MYO3A: variants seen among roughly 807,000 people sequenced by gnomAD.
MYO3A encodes myosin-IIIa.
In MYO3A, 180 loss-of-function variants were observed where a neutral mutation model predicts 192.7. That is an observed-to-expected ratio of 0.93 (90% CI 0.83 to 1.06). The LOEUF (loss-of-function observed/expected upper bound fraction) is 1.06, where lower values mean the gene tolerates loss of function less well. Ranked by LOEUF, MYO3A falls within the 50% of genes least tolerant of loss-of-function variation. The pLI is 0.00. For missense variants in MYO3A, 1,896 were observed against 1,905.0 expected, an observed-to-expected ratio of 1.00 and a Z score of 0.09; for synonymous variants, 628 against 645.3, an observed-to-expected ratio of 0.97 and a Z score of 0.41.
At chr10:25,996,061 A>T (rs1192084331) in intron 4 of MYO3A, among the ~76,000 whole-genome samples, 1 of 152,214 alleles carries the variant, frequency 6.6e-6, no homozygotes, top group Non-Finnish European at 1.5e-5. Flanking sequence ...TCTGCAGAAG[A>T]TTCTGCTACC....
intron 10 of MYO3A, among the ~76,000 whole-genome samples, chr10:26,041,242 T>C (rs1364514216): frequency 6.6e-6 from 1 of 152,098 alleles, no homozygotes; most frequent in Non-Finnish European, 1.5e-5. Context: ...TGGCATAGAA[T>C]ACCTCTTTCC....
At chr10:26,143,994 T>G (rs1379396649) in intron 21 of MYO3A, among the ~76,000 whole-genome samples, 1 of 152,180 alleles carries the variant, frequency 6.6e-6, no homozygotes. Context: ...TTCTGTTCTA[T>G]TCATTTATTT....
At chr10:26,135,468 G>A (rs889881706) in intron 20 of MYO3A, among the ~76,000 whole-genome samples, 2 of 151,952 alleles carry the variant, frequency 1.3e-5, no homozygotes, top group African/African-American at 2.4e-5. Context: ...TCAACATAAG[G>A]CAGGATAAAA....
chr10:26,122,264 G>A (rs1435136873), intron 18 of MYO3A, among the ~76,000 whole-genome samples: 1 of 152,060 alleles, frequency 6.6e-6, no homozygotes, highest in Non-Finnish European at 1.5e-5. Flanking sequence ...ACAGAAGACA[G>A]TCATATAAGT....
At chr10:26,183,651 G>A (rs1192609007) in intron 31 of MYO3A, among the ~76,000 whole-genome samples, 2 of 152,202 alleles carry the variant, frequency 1.3e-5, no homozygotes, top group Non-Finnish European at 2.9e-5. Context: ...TATAGGATGG[G>A]TAGAGGTGGA....
intron 15 of MYO3A, among the ~76,000 whole-genome samples, chr10:26,092,649 C>T (rs1028287514): frequency 6.6e-6 from 1 of 152,160 alleles, no homozygotes; most frequent in Non-Finnish European, 1.5e-5. Flanking sequence ...CAGGTGAACA[C>T]ACATATGAGA....
At chr10:25,954,792 G>C in intron 3 of MYO3A, 82 bp from the exon 4 acceptor site, 5 of 1,404,462 alleles carry the variant, frequency 3.6e-6, no homozygotes, top group Non-Finnish European at 5.0e-6. Context: ...ATGAAATTCT[G>C]TATTTGGTAT....
At chr10:25,989,118 A>T (rs918794504) in intron 4 of MYO3A, among the ~76,000 whole-genome samples, 1 of 151,672 alleles carries the variant, frequency 6.6e-6, no homozygotes, top group Non-Finnish European at 1.5e-5. Flanking sequence ...TTTTATAAAA[A>T]AATTTTTTTA....
At chr10:26,001,053 T>A (rs1840768522) in intron 6 of MYO3A, among the ~76,000 whole-genome samples, 1 of 152,018 alleles carries the variant, frequency 6.6e-6, no homozygotes, top group Non-Finnish European at 1.5e-5. Flanking sequence ...CAAGGGGAAA[T>A]CTGCCCCCAT....
Position 25,996,568 on chromosome 10 carries a change from G to T in MYO3A, c.382G>T (p.Ala128Ser), listed in dbSNP as rs1372238449. 2 of 1,613,592 alleles carry T rather than the reference G, an allele frequency of 1.2e-6. No homozygotes were observed. The highest frequency in any genetic ancestry group is 1.7e-6 in the Non-Finnish European group (2 of 1,179,766). The change falls in exon 5 of 35, where the codon GCC becomes TCC. Residue 128 changes from alanine (A) to serine (S), a missense_variant. Ala to Ser is a moderately conservative substitution (Grantham distance 99). Transcript: ENST00000642920. ...RGERMSEPLI[A>S]YILHEALMGL... ...TGAAAGAATGAGTGAGCCTCTAATT[G>T]CCTATATTTTACATGAAGCACTAAT...
chr10:26,094,805 A>T (rs763060460), intron 15 of MYO3A, among the ~76,000 whole-genome samples: 5 of 152,172 alleles, frequency 3.3e-5, no homozygotes, highest in Admixed American at 3.3e-4. Context: ...GGGGGAGAAG[A>T]CCCTGGAATG....
At chr10:26,019,731 A>T (rs913203323) in intron 7 of MYO3A, among the ~76,000 whole-genome samples, 4 of 152,188 alleles carry the variant, frequency 2.6e-5, no homozygotes, top group African/African-American at 9.7e-5. Context: ...TGCATCACTT[A>T]TTTTTAGAGT....
Position 26,040,106 on chromosome 10 carries a change from A to G in MYO3A, c.953+13574A>G, listed in dbSNP as rs148897982. Among the ~76,000 whole-genome samples, 358 of 150,500 alleles carry G rather than the reference A, an allele frequency of 2.4e-3. 8 individuals carry two copies. The highest frequency in any genetic ancestry group is 0.017 in the Admixed American group (263 of 15,126). ...TAATTTTTATTTCAAGAATTTTTTC[A>G]ATTTCCTTCTTAATGTCTTCATTGA... On this transcript the variant is annotated intron_variant, in intron 10 of 34. Transcript: ENST00000642920.
At chr10:25,974,506 C>G (rs569599667) in intron 4 of MYO3A, among the ~76,000 whole-genome samples, 3 of 152,246 alleles carry the variant, frequency 2.0e-5, no homozygotes, top group South Asian at 4.1e-4. Context: ...TTCTTATGAC[C>G]TGCCTCTCCC....
At chr10:26,030,553 T>C (rs948105512) in intron 10 of MYO3A, among the ~76,000 whole-genome samples, 1 of 152,166 alleles carries the variant, frequency 6.6e-6, no homozygotes, top group Non-Finnish European at 1.5e-5. Context: ...GGCAACACAT[T>C]AAACAAAAGC....
At chr10:26,166,588 A>T (rs575372787) in intron 27 of MYO3A, among the ~76,000 whole-genome samples, 1 of 152,370 alleles carries the variant, frequency 6.6e-6, no homozygotes, top group African/African-American at 2.4e-5. Context: ...AGAAAAATTT[A>T]TCTTGAAGAT....
At chr10:26,081,139 C>CCA (rs1835917708) in intron 14 of MYO3A, among the ~76,000 whole-genome samples, 1 of 106,222 alleles carries the variant, frequency 9.4e-6, no homozygotes, top group African/African-American at 3.1e-5. Context: ...CCCTTCCCCC[C>CCA]CCCCCCGCCC....
At chr10:26,201,590 G>T (rs1403086665) in intron 33 of MYO3A, among the ~76,000 whole-genome samples, 1 of 151,878 alleles carries the variant, frequency 6.6e-6, no homozygotes, top group African/African-American at 2.4e-5. Flanking sequence ...GGAGGCTGAG[G>T]CAGGAGAATG....
intron 14 of MYO3A, among the ~76,000 whole-genome samples, chr10:26,081,862 G>C (rs967229849): frequency 1.8e-4 from 27 of 152,100 alleles, no homozygotes; most frequent in African/African-American, 6.3e-4. Context: ...ATGTGTGTTC[G>C]GGAGAGGAGG....
Sources: gnomAD v4.1 joint callset for allele counts (sites outside exome capture counted in the v4.1 genomes callset) on GRCh38, gnomAD v4.1.1 for gene constraint, MANE v1.5 for transcripts, NCBI Gene and HGNC (gene_info 2026-07-23, HGNC 2026-07-21) for gene names.